Variants in RTN4 observed in about 807,000 individuals in gnomAD.
RTN4 encodes the protein reticulon-4.
RTN4 carries 32 observed loss-of-function variants against 90.4 expected under a neutral mutation model. That is an observed-to-expected ratio of 0.35 (90% CI 0.27 to 0.48). The LOEUF is 0.48. RTN4 is among the 20% of genes least tolerant of loss of function. RTN4 has a pLI of 0.99. For missense variants in RTN4, 1,706 were observed against 1,430.2 expected (o/e 1.19, Z -3.11); for synonymous variants, 629 against 552.5 (o/e 1.14, Z -1.94).
Position 55,027,450 on chromosome 2 carries a change from T to G in RTN4, c.649A>C (p.Ile217Leu), listed in dbSNP as rs745556473. ...MDLKEQPGNT[I>L]SAGQEDFPSV... ...GGGAAATCCTCTTGACCAGCCGAAA[T>G]AGTGTTACCTGGCTGCTCCTTCAAG... Residue 217 changes from isoleucine (I) to leucine (L), a missense_variant, in exon 3 of 9, where the codon ATT (isoleucine) becomes CTT (leucine). Ile to Leu is a conservative substitution (Grantham distance 5, BLOSUM62 2). Coordinates refer to ENST00000337526, the MANE Select transcript of RTN4 (RefSeq NM_020532.5). 1.9e-6 allele frequency: 3 copies of G among 1,611,864 alleles called. No homozygotes were observed. In the Admixed American group the frequency reaches 5.0e-5, roughly 27 times the overall value.
At chr2:55,084,902 C>T (rs1175443251) in intron 1 of RTN4, among the ~76,000 whole-genome samples, 1 of 152,156 alleles carries the variant, frequency 6.6e-6, no homozygotes, top group Non-Finnish European at 1.5e-5. Context: ...CCCCCTGACA[C>T]TCAGCCAACC....
intron 1 of RTN4, among the ~76,000 whole-genome samples, chr2:55,111,948 C>A (rs1668045525): frequency 6.6e-6 from 1 of 152,194 alleles, no homozygotes; most frequent in Non-Finnish European, 1.5e-5. Context: ...GCACTGCTCT[C>A]AAAACTGCTT....
intron 3 of RTN4, among the ~76,000 whole-genome samples, chr2:54,988,185 C>T (rs1337851410): frequency 6.6e-6 from 1 of 152,026 alleles, no homozygotes; most frequent in Non-Finnish European, 1.5e-5. Flanking sequence ...GGCATGGTGG[C>T]GCATGCCTGT....
intron 1 of RTN4, among the ~76,000 whole-genome samples, chr2:55,099,769 A>G (rs1015286390): frequency 6.6e-6 from 1 of 152,120 alleles, no homozygotes; most frequent in Admixed American, 6.5e-5. Flanking sequence ...GTTTTTCTCA[A>G]TTGTGAAAAG....
intron 1 of RTN4, among the ~76,000 whole-genome samples, chr2:55,103,084 C>T (rs1462676029): frequency 6.9e-6 from 1 of 144,348 alleles, no homozygotes; most frequent in African/African-American, 2.6e-5. Context: ...CACCATTGCA[C>T]TCCAGCAACA....
chr2:55,058,109 G>T (rs1304660984), intron 2 of RTN4, among the ~76,000 whole-genome samples: 5 of 152,098 alleles, frequency 3.3e-5, no homozygotes, highest in Admixed American at 6.5e-5. Context: ...AACTGGAGAG[G>T]CCTCAGGGAC....
At position 55,027,452 on chromosome 2, in the gene RTN4, G is replaced by C; in HGVS notation, c.647C>G (p.Thr216Ser). Residue 216 changes from threonine (T) to serine (S), a missense_variant, in exon 3 of 9, where the codon ACT becomes AGT. Physicochemically the swap from Thr to Ser is moderately conservative, Grantham distance 58 (BLOSUM62 1). Coordinates refer to ENST00000337526, the MANE Select transcript of RTN4 (RefSeq NM_020532.5). Reference sequence around the variant, plus strand: ...GAAATCCTCTTGACCAGCCGAAATAGTGTTACCTGGCTGCTCCTTCAAGTC... The same window carrying C: ...GAAATCCTCTTGACCAGCCGAAATACTGTTACCTGGCTGCTCCTTCAAGTC... The part of the protein sequence containing the change: ...NMDLKEQPGN[T>S]ISAGQEDFPS... The C allele has an allele frequency of 6.2e-7, 1 of 1,611,972 alleles. No individual in the cohort carries two copies. Among genetic ancestry groups the C allele is most frequent in the Non-Finnish European group, 8.5e-7 (1 of 1,178,914 alleles).
chr2:55,066,188 TG>T (rs765573251), intron 2 of RTN4, among the ~76,000 whole-genome samples: 29 of 63,098 alleles, frequency 4.6e-4, no homozygotes, highest in South Asian at 2.8e-3. Flanking sequence ...TGTGTGTGTG[TG>T]TGTTTGTGTG....
At chr2:55,085,317 A>C (rs1251068285) in intron 1 of RTN4, among the ~76,000 whole-genome samples, 2 of 142,696 alleles carry the variant, frequency 1.4e-5, no homozygotes, top group African/African-American at 2.5e-5. Flanking sequence ...ATATACACCC[A>C]CACACACACA....
rs890208366 is a variant in RTN4 at position 54,989,551 on chromosome 2, T to G, written c.3014-1853A>C. Reference sequence around the variant, plus strand: ...AATAAAGAGATAAGAGCAACGCTAATAGGTTTCTGGCAATCAGCAAACACT... The same window carrying G: ...AATAAAGAGATAAGAGCAACGCTAAGAGGTTTCTGGCAATCAGCAAACACT... On this transcript the variant is annotated intron_variant, in intron 3 of 8. Transcript: ENST00000337526. 1.3e-4 allele frequency among the ~76,000 whole-genome samples: 20 copies of G among 152,322 alleles called. 1 individual carries two copies. Among genetic ancestry groups the G allele is most frequent in the African/African-American group, 4.8e-4 (20 of 41,582 alleles).
chr2:55,050,347 G>C lies in RTN4; in HGVS notation c.-47C>G. The stretch of plus-strand genomic sequence containing the variant: ...CTGCAGCTGCTGCCGCCGCCGCCGG[G>C]GCCGCGTCTCAGAGCCGCGGGCGGT... On this transcript the variant is annotated 5_prime_UTR_variant, in exon 1 of 9. Coordinates refer to ENST00000337526, the MANE Select transcript of RTN4 (RefSeq NM_020532.5). The surrounding 1 kb of genome is among the most constrained non-coding windows in gnomAD (Gnocchi z 4.6). 7.7e-7 allele frequency: 1 copy of C among 1,295,934 alleles called. No homozygotes were observed. The highest frequency in any genetic ancestry group is 1.0e-6 in the Non-Finnish European group (1 of 996,720). The allele number at this position is 1,295,934 out of a possible 1,614,324, so 80.3% of individuals were successfully genotyped here.
At chr2:55,055,359 A>G (rs1471579126), upstream of RTN4, among the ~76,000 whole-genome samples, 1 of 152,086 alleles carries the variant, frequency 6.6e-6, no homozygotes, top group Non-Finnish European at 1.5e-5. Context: ...TATATAACTT[A>G]TTATTTTTAA....
intron 4 of RTN4, among the ~76,000 whole-genome samples, chr2:54,983,363 T>C (rs1365942336): frequency 1.4e-5 from 2 of 147,884 alleles, no homozygotes; most frequent in African/African-American, 5.2e-5. Context: ...AAAAATACTA[T>C]ACTGGGGAAA....
upstream of RTN4, among the ~76,000 whole-genome samples, chr2:55,114,341 T>C (rs1406056210): frequency 2.0e-5 from 3 of 152,202 alleles, no homozygotes; most frequent in African/African-American, 4.8e-5. Flanking sequence ...CACTTCTCTA[T>C]GAAGGGGATG....
intron 3 of RTN4, among the ~76,000 whole-genome samples, chr2:54,997,794 A>G (rs1389427156): frequency 6.6e-6 from 1 of 152,216 alleles, no homozygotes; most frequent in Non-Finnish European, 1.5e-5. Context: ...ATATTTTGAG[A>G]AAGACACCAC....
chr2:54,989,104 A>G (rs987386480), intron 3 of RTN4, among the ~76,000 whole-genome samples: 2 of 152,186 alleles, frequency 1.3e-5, no homozygotes, highest in African/African-American at 2.4e-5. Flanking sequence ...CTTTGCTCTT[A>G]AGGGTACTTC....
intron 2 of RTN4, among the ~76,000 whole-genome samples, chr2:55,072,311 G>A (rs1207624447): frequency 3.3e-5 from 5 of 151,826 alleles, no homozygotes; most frequent in South Asian, 4.1e-4. Context: ...CTCACTGCAA[G>A]CTCCACCTCC....
intron 1 of RTN4, among the ~76,000 whole-genome samples, chr2:55,105,970 A>AC (rs1667936596): frequency 6.6e-6 from 1 of 151,632 alleles, no homozygotes; most frequent in South Asian, 2.1e-4. Context: ...ACAGGAGGAG[A>AC]CCCCCATCTC....
At chr2:54,981,277 G>GTTT (rs145702336) in intron 5 of RTN4, among the ~76,000 whole-genome samples, 2 of 136,076 alleles carry the variant, frequency 1.5e-5, no homozygotes, top group Admixed American at 7.2e-5. Flanking sequence ...AGGCTAAAAT[G>GTTT]TTTTTGTTTT....
Sources: allele counts gnomAD v4.1 joint callset (sites outside exome capture counted in the v4.1 genomes callset), GRCh38; gene constraint gnomAD v4.1.1; non-coding constraint Gnocchi (gnomAD v3.1); transcripts MANE v1.5; gene names NCBI Gene and HGNC (gene_info 2026-07-23, HGNC 2026-07-21).